KCND3: variants seen among roughly 807,000 people sequenced by gnomAD.
KCND3 encodes potassium voltage-gated channel subfamily D member 3, also known as A-type voltage-gated potassium channel KCND3.
Under a neutral mutation model 51.1 loss-of-function variants are expected in KCND3, and 9 were observed. The ratio of observed to expected loss-of-function variants is 0.18; its 90% CI spans 0.11 to 0.31. The LOEUF (loss-of-function observed/expected upper bound fraction) is 0.31. Among genes scored for constraint, KCND3 ranks in the 10% least tolerant of loss-of-function variants. KCND3 has a pLI of 1.00. For synonymous variants in KCND3, 349 were observed against 368.0 expected, an observed-to-expected ratio of 0.95 and a Z score of 0.59; for missense variants, 526 against 903.8, an observed-to-expected ratio of 0.58 and a Z score of 5.36.
chr1:111,946,397 A>C (rs1344387540), intron 2 of KCND3, among the ~76,000 whole-genome samples: 1 of 152,238 alleles, frequency 6.6e-6, no homozygotes, highest in African/African-American at 2.4e-5. Flanking sequence ...TGTGCTGAGC[A>C]AAGGGCTGAG....
chr1:111,787,192 T>TATTC (rs1664640180), intron 2 of KCND3, 86 bp from the exon 3 acceptor site: 19 of 1,353,804 alleles, frequency 1.4e-5, no homozygotes, highest in South Asian at 9.7e-5. Flanking sequence ...TTCACCTGTT[T>TATTC]ATTCATTCAT....
intron 2 of KCND3, among the ~76,000 whole-genome samples, chr1:111,854,310 A>G (rs1667955825): frequency 6.6e-6 from 1 of 152,208 alleles, no homozygotes; most frequent in Non-Finnish European, 1.5e-5. Context: ...TAAACTAAAA[A>G]GTTTCATTGT....
chr1:111,879,816 C>T (rs1411016950), intron 2 of KCND3, among the ~76,000 whole-genome samples: 1 of 152,150 alleles, frequency 6.6e-6, no homozygotes, highest in African/African-American at 2.4e-5. Context: ...TTCTGTAATG[C>T]AGACTTGAGT....
At chr1:111,937,514 G>C (rs893386603) in intron 2 of KCND3, among the ~76,000 whole-genome samples, 1 of 152,214 alleles carries the variant, frequency 6.6e-6, no homozygotes, top group Non-Finnish European at 1.5e-5. Context: ...GTAGAAATGA[G>C]ATTCAAGCAG....
chr1:111,958,897 A>T (rs983050968), intron 2 of KCND3, among the ~76,000 whole-genome samples: 1 of 152,246 alleles, frequency 6.6e-6, no homozygotes, highest in Non-Finnish European at 1.5e-5. Context: ...GTTTTTACAC[A>T]GAGGCTGCCG....
intron 2 of KCND3, among the ~76,000 whole-genome samples, chr1:111,826,296 T>C (rs190581041): frequency 3.5e-4 from 53 of 152,338 alleles, no homozygotes; most frequent in Admixed American, 1.6e-3. Context: ...GGTAGCCACA[T>C]TGATTTCTTT....
intron 2 of KCND3, among the ~76,000 whole-genome samples, chr1:111,883,335 A>G (rs374652366): frequency 2.0e-5 from 3 of 152,268 alleles, no homozygotes; most frequent in Admixed American, 2.0e-4. Context: ...ACAAGCTTAC[A>G]TTCTTAACTT....
At chr1:111,847,547 C>A (rs1317390199) in intron 2 of KCND3, among the ~76,000 whole-genome samples, 2 of 152,106 alleles carry the variant, frequency 1.3e-5, no homozygotes, top group Non-Finnish European at 2.9e-5. Context: ...TGAAGCCGTG[C>A]GTGCCCGCGT....
intron 2 of KCND3, among the ~76,000 whole-genome samples, chr1:111,967,471 G>A (rs1176478803): frequency 1.3e-5 from 2 of 152,190 alleles, no homozygotes; most frequent in African/African-American, 4.8e-5. Context: ...GCCCTGTGTG[G>A]GCGAGGCTGT....
At chr1:111,975,313 A>C (rs2101974247) in intron 2 of KCND3, among the ~76,000 whole-genome samples, 1 of 152,166 alleles carries the variant, frequency 6.6e-6, no homozygotes, top group East Asian at 1.9e-4. Flanking sequence ...CGAGGCCTTG[A>C]GGTTTCTTCT....
At chr1:111,874,880 C>T (rs1487130932) in intron 2 of KCND3, among the ~76,000 whole-genome samples, 1 of 152,220 alleles carries the variant, frequency 6.6e-6, no homozygotes, top group Non-Finnish European at 1.5e-5. Flanking sequence ...CTTCAAACAT[C>T]TCGCTCCAGG....
At chr1:111,791,238 G>A (rs1209869985) in intron 2 of KCND3, among the ~76,000 whole-genome samples, 1 of 152,182 alleles carries the variant, frequency 6.6e-6, no homozygotes, top group Non-Finnish European at 1.5e-5. Context: ...ATCCTGGTGG[G>A]TGTTATCTCA....
chr1:111,871,477 G>A (rs1223599857), intron 2 of KCND3, among the ~76,000 whole-genome samples: 2 of 152,134 alleles, frequency 1.3e-5, no homozygotes, highest in Non-Finnish European at 2.9e-5. Flanking sequence ...GAAGGACAAC[G>A]GTGTCACTAA....
intron 2 of KCND3, among the ~76,000 whole-genome samples, chr1:111,843,744 T>C (rs925199824): frequency 6.6e-6 from 1 of 152,178 alleles, no homozygotes; most frequent in African/African-American, 2.4e-5. Context: ...ATTTGAACCT[T>C]GTGTTTCCCC....
chr1:111,784,831 A>G (rs938431273), intron 3 of KCND3, among the ~76,000 whole-genome samples: 4 of 144,890 alleles, frequency 2.8e-5, no homozygotes, highest in Non-Finnish European at 4.6e-5. Context: ...GGAGAGGGAA[A>G]GGGTCAGGGT....
intron 2 of KCND3, among the ~76,000 whole-genome samples, chr1:111,816,996 T>A (rs762296700): frequency 1.4e-4 from 22 of 152,144 alleles, no homozygotes; most frequent in Non-Finnish European, 2.6e-4. Context: ...CACATCAATG[T>A]TTTTAAAAAT....
At chr1:111,819,802 C>T (rs1396770700) in intron 2 of KCND3, among the ~76,000 whole-genome samples, 4 of 152,110 alleles carry the variant, frequency 2.6e-5, no homozygotes, top group Non-Finnish European at 5.9e-5. Context: ...TACAATGAGG[C>T]GACTGTAATC....
chr1:111,788,991 A>G lies in KCND3; in HGVS notation c.1107-1885T>C, dbSNP rs977330943. Reference sequence around the variant, plus strand: ...AAACACAGTTGGTTGTCCCAAGTTCAAATAGCCCCATTGATGAAGAAAAAG... The same window carrying G: ...AAACACAGTTGGTTGTCCCAAGTTCGAATAGCCCCATTGATGAAGAAAAAG... On this transcript the variant is annotated intron_variant, in intron 2 of 7. Coordinates refer to ENST00000302127, the MANE Select transcript of KCND3 (RefSeq NM_001378969.1). Among the ~76,000 whole-genome samples the G allele has an allele frequency of 3.2e-4, 49 of 152,214 alleles. 1 individual carries two copies. Among genetic ancestry groups the G allele is most frequent in the Non-Finnish European group, 1.6e-4 (11 of 68,026 alleles).
At chr1:111,799,979 C>T (rs1011032219) in intron 2 of KCND3, among the ~76,000 whole-genome samples, 7 of 151,988 alleles carry the variant, frequency 4.6e-5, no homozygotes, top group Non-Finnish European at 8.8e-5. Flanking sequence ...CGCCTCTGCC[C>T]GGCCGCCCCT....
Sources: gnomAD v4.1 joint callset for allele counts (sites outside exome capture counted in the v4.1 genomes callset) on GRCh38, gnomAD v4.1.1 for gene constraint, MANE v1.5 for transcripts, NCBI Gene and HGNC (gene_info 2026-07-23, HGNC 2026-07-21) for gene names.